Variants in RNLS observed in about 807,000 individuals in gnomAD.
RNLS encodes the protein renalase.
A neutral mutation model predicts 39.8 loss-of-function variants in RNLS; 39 were observed. The ratio of observed to expected loss-of-function variants is 0.98; its 90% CI spans 0.76 to 1.28. RNLS has a LOEUF of 1.28. RNLS is among the 50% of genes most tolerant of loss of function. The pLI is 0.00. For synonymous variants in RNLS, 147 were observed against 150.7 expected, an observed-to-expected ratio of 0.98 and a Z score of 0.18; for missense variants, 410 against 413.3, an observed-to-expected ratio of 0.99 and a Z score of 0.07.
At chr10:88,214,748 A>G in the RNLS span, among the ~76,000 whole-genome samples, 1 of 152,132 alleles carries the variant, frequency 6.6e-6, no homozygotes, top group Non-Finnish European at 1.5e-5. Context: ...TTAATATGTC[A>G]TTTTGCTTGC....
Position 88,284,617 on chromosome 10 carries a change from A to G in RNLS, c.*737T>C. On this transcript the variant is annotated 3_prime_UTR_variant, in exon 7 of 7. Coordinates refer to ENST00000331772, the MANE Select transcript of RNLS (RefSeq NM_001031709.3). ...ATAAAGTAACAGCAACAGCTATAAA[A>G]TATAGCAAAAGGTAAGGATCGATAT... 1 of 984,992 alleles carries G rather than the reference A, an allele frequency of 1.0e-6. No individual in the cohort carries two copies. The highest frequency in any genetic ancestry group is 1.2e-6 in the Non-Finnish European group (1 of 829,522). The allele number at this position is 984,992 out of a possible 1,614,324, so 61.0% of individuals were successfully genotyped here.
chr10:88,248,292 T>G, the RNLS span, among the ~76,000 whole-genome samples: 20 of 152,198 alleles, frequency 1.3e-4, no homozygotes, highest in Non-Finnish European at 2.1e-4. Flanking sequence ...ATGTTATACA[T>G]AGTGGCAAAG....
At chr10:88,537,251 A>G (rs1847807350) in intron 4 of RNLS, among the ~76,000 whole-genome samples, 1 of 152,228 alleles carries the variant, frequency 6.6e-6, no homozygotes, top group Admixed American at 6.5e-5. Context: ...AACTCAATAC[A>G]GTAACTCCGG....
chr10:88,248,627 C>A, the RNLS span, among the ~76,000 whole-genome samples: 2 of 152,118 alleles, frequency 1.3e-5, no homozygotes, highest in African/African-American at 2.4e-5. Context: ...AAGTTCTGGG[C>A]AAAAATGTCC....
chr10:88,582,284 T>G lies in RNLS; in HGVS notation c.142A>C (p.Ser48Arg). Reference protein sequence around the residue: ...DSGGRMTTACSPHNPQCTADL... With the variant: ...DSGGRMTTACRPHNPQCTADL... ...GCTGTGCACTGAGGATTATGAGGAC[T>G]GCAGGCTGTAGTCATTCTTCCCCCT... Residue 48 changes from serine to arginine, a missense_variant, in exon 2 of 7, where the codon AGT becomes CGT. Physicochemically the swap from Ser to Arg is moderately radical, Grantham distance 110. Coordinates refer to ENST00000331772, the MANE Select transcript of RNLS (RefSeq NM_001031709.3). 6.2e-7 allele frequency: 1 copy of G among 1,613,986 alleles called. No homozygotes were observed. The highest frequency in any genetic ancestry group is 8.5e-7 in the Non-Finnish European group (1 of 1,179,924).
intron 4 of RNLS, among the ~76,000 whole-genome samples, chr10:88,536,043 C>T (rs1222138176): frequency 6.6e-6 from 1 of 152,132 alleles, no homozygotes; most frequent in African/African-American, 2.4e-5. Flanking sequence ...CATGGACTTT[C>T]CAATCAGACA....
chr10:88,476,363 T>C (rs766649279), intron 4 of RNLS, among the ~76,000 whole-genome samples: 1 of 152,148 alleles, frequency 6.6e-6, no homozygotes, highest in Non-Finnish European at 1.5e-5. Context: ...TCTAATCACT[T>C]TTCAATATCT....
intron 4 of RNLS, among the ~76,000 whole-genome samples, chr10:88,435,993 T>C (rs533650716): frequency 6.6e-5 from 10 of 152,048 alleles, no homozygotes; most frequent in African/African-American, 1.9e-4. Context: ...ACACTAAGAA[T>C]TGATGACATT....
At chr10:88,543,038 T>C (rs1848129081) in intron 4 of RNLS, among the ~76,000 whole-genome samples, 1 of 152,164 alleles carries the variant, frequency 6.6e-6, no homozygotes, top group African/African-American at 2.4e-5. Flanking sequence ...TTTTTGTTTT[T>C]CAGTATGCTT....
At chr10:88,514,475 T>C (rs1846304494) in intron 4 of RNLS, among the ~76,000 whole-genome samples, 1 of 152,222 alleles carries the variant, frequency 6.6e-6, no homozygotes, top group South Asian at 2.1e-4. Context: ...AATACAATAT[T>C]GTTAACTAGA....
At chr10:88,522,987 G>GTC (rs1846850613) in intron 4 of RNLS, among the ~76,000 whole-genome samples, 1 of 152,110 alleles carries the variant, frequency 6.6e-6, no homozygotes. Context: ...GAACTCAAGA[G>GTC]ACAGTGGCAT....
At chr10:88,466,833 A>T (rs11202754) in intron 4 of RNLS, among the ~76,000 whole-genome samples, 25,902 of 152,118 alleles carry the variant, frequency 0.17, 2,539 homozygotes, top group Admixed American at 0.27. Context: ...AGAGACGCAA[A>T]GAATGTTTGA....
At chr10:88,345,904 G>A (rs1848269289) in intron 5 of RNLS, among the ~76,000 whole-genome samples, 1 of 152,074 alleles carries the variant, frequency 6.6e-6, no homozygotes, top group Admixed American at 6.6e-5. Context: ...AAATAGGTCT[G>A]TGTGATTCAG....
At chr10:88,486,900 A>G (rs1340437311) in intron 4 of RNLS, among the ~76,000 whole-genome samples, 2 of 152,170 alleles carry the variant, frequency 1.3e-5, no homozygotes. Flanking sequence ...TACCATAAAG[A>G]CACATGGACA....
chr10:88,233,347 T>A, the RNLS span, among the ~76,000 whole-genome samples: 1 of 152,348 alleles, frequency 6.6e-6, no homozygotes, highest in Non-Finnish European at 1.5e-5. Flanking sequence ...TCACTGAATG[T>A]TCATTCTCCC....
chr10:88,277,640 C>T lies in RNLS; in HGVS notation c.877-2608G>A, dbSNP rs77047357. On this transcript the variant is annotated intron_variant, in intron 6 of 6. Coordinates refer to the RNLS transcript ENST00000371947. ...TTTCTCATCAATCTAAAAGTTGGTG[C>T]ACCTGAGTTTTCTAGGAGTATAATC... Among the ~76,000 whole-genome samples the T allele has an allele frequency of 4.2e-3, 638 of 152,262 alleles. 1 individual carries two copies. The highest frequency in any genetic ancestry group is 5.0e-3 in the Non-Finnish European group (339 of 68,024).
intron 4 of RNLS, among the ~76,000 whole-genome samples, chr10:88,445,864 G>A (rs1842003389): frequency 6.6e-6 from 1 of 152,086 alleles, no homozygotes; most frequent in South Asian, 2.1e-4. Context: ...CAATAATAAT[G>A]GGAAACTTTA....
intron 4 of RNLS, among the ~76,000 whole-genome samples, chr10:88,531,703 T>C (rs548265548): frequency 6.6e-6 from 1 of 152,238 alleles, no homozygotes; most frequent in Admixed American, 6.5e-5. Context: ...AATTCCCTTT[T>C]AAAAGCTCAT....
At chr10:88,546,116 C>G (rs549130143) in intron 4 of RNLS, among the ~76,000 whole-genome samples, 24 of 151,848 alleles carry the variant, frequency 1.6e-4, no homozygotes, top group Non-Finnish European at 2.9e-4. Context: ...AGAATATTTT[C>G]AATATTACAT....
Sources: gnomAD v4.1 joint callset for allele counts (sites outside exome capture counted in the v4.1 genomes callset) on GRCh38, gnomAD v4.1.1 for gene constraint, MANE v1.5 for transcripts, NCBI Gene and HGNC (gene_info 2026-07-23, HGNC 2026-07-21) for gene names.